Variants in TAB2 observed in about 807,000 individuals in gnomAD.
TAB2 encodes the protein TGF-beta-activated kinase 1 and MAP3K7-binding protein 2.
TAB2 carries 3 observed loss-of-function variants against 65.0 expected under a neutral mutation model. That is an observed-to-expected ratio of 0.05 (90% confidence interval 0.02 to 0.12). TAB2 has a LOEUF of 0.12. Among genes scored for constraint, TAB2 ranks in the 10% least tolerant of loss-of-function variants. The pLI is 1.00. For missense variants in TAB2, 623 were observed against 840.3 expected, an observed-to-expected ratio of 0.74 and a Z score of 3.20; for synonymous variants, 298 against 285.1, an observed-to-expected ratio of 1.05 and a Z score of -0.46.
At chr6:149,218,689 A>G (rs1777074603) in exon 1 of TAB2, 2 of 453,112 alleles carry the variant, frequency 4.4e-6, no homozygotes, top group Admixed American at 4.7e-5. Flanking sequence ...TCTAAACACC[A>G]TCTGATCCAG....
At chr6:149,339,442 CTTT>C (rs1166154724) in intron 1 of TAB2, among the ~76,000 whole-genome samples, 1 of 151,964 alleles carries the variant, frequency 6.6e-6, no homozygotes, top group African/African-American at 2.4e-5. Context: ...TAGGTTTTAA[CTTT>C]TTTGTCTGCC....
rs1778800591 is a variant in TAB2 at position 149,292,770 on chromosome 6, G to C, written c.-121+73994G>C. Among the ~76,000 whole-genome samples the C allele has an allele frequency of 2.6e-5, 4 of 152,146 alleles. No homozygotes were observed. In the South Asian group the frequency reaches 8.3e-4, roughly 31 times the overall value. ...AATTAATATACTCTACCTTAGTTAA[G>C]CAACAATGAGCTTTCTCGGGAGTTT... On this transcript the variant is annotated intron_variant, in intron 1 of 1. Coordinates refer to the TAB2 transcript ENST00000606202.
At chr6:149,404,095 A>C (rs530045690) in intron 6 of TAB2, among the ~76,000 whole-genome samples, 2 of 152,350 alleles carry the variant, frequency 1.3e-5, no homozygotes, top group Admixed American at 1.3e-4. Flanking sequence ...ACTCCACCAA[A>C]AACTGTTAAA....
intron 1 of TAB2, among the ~76,000 whole-genome samples, chr6:149,249,000 G>A (rs939120692): frequency 1.2e-4 from 19 of 152,208 alleles, no homozygotes; most frequent in African/African-American, 4.6e-4. Flanking sequence ...GCAGAGGAGT[G>A]ATGGTGGACA....
chr6:149,328,287 T>C (rs1562417643), intron 1 of TAB2, among the ~76,000 whole-genome samples: 2 of 152,226 alleles, frequency 1.3e-5, no homozygotes, highest in African/African-American at 4.8e-5. Flanking sequence ...TTGTGTCTCA[T>C]CTCTACATTC....
rs1249639880 is a variant in TAB2 at position 149,411,596 on chromosome 6, C to T, written c.*1877C>T. On this transcript the variant is annotated 3_prime_UTR_variant, in exon 7 of 7. Transcript: ENST00000637181. ...TAAGTTATTTATAAAAATTAAAAAA[C>T]TTATATTCTAATGTGGATTTTGTGA... is the stretch of plus-strand genomic sequence containing the variant. The T allele has an allele frequency of 1.3e-5, 2 of 153,542 alleles. No homozygotes were observed. The highest frequency in any genetic ancestry group is 3.9e-4 in the East Asian group (2 of 5,192). 9.5% of individuals were successfully genotyped at this position (153,542 alleles called of 1,614,324 possible). A position where few individuals can be genotyped will look rare whatever the true frequency, so the allele number is the denominator to read the frequency against.
At chr6:149,348,634 G>T (rs1780382870) in intron 1 of TAB2, among the ~76,000 whole-genome samples, 1 of 151,406 alleles carries the variant, frequency 6.6e-6, no homozygotes, top group Non-Finnish European at 1.5e-5. Context: ...AGGAATTATG[G>T]CTGTAACACT....
At chr6:149,343,351 G>A (rs978913743) in intron 1 of TAB2, among the ~76,000 whole-genome samples, 1 of 151,946 alleles carries the variant, frequency 6.6e-6, no homozygotes, top group East Asian at 1.9e-4. Context: ...TGCACCTGTA[G>A]TCCCAGCTGC....
At chr6:149,312,006 A>G (rs1779173900) in intron 1 of TAB2, among the ~76,000 whole-genome samples, 1 of 152,218 alleles carries the variant, frequency 6.6e-6, no homozygotes, top group Non-Finnish European at 1.5e-5. Flanking sequence ...AGACTACAAT[A>G]TGTCATGAAA....
intron 1 of TAB2, among the ~76,000 whole-genome samples, chr6:149,322,509 G>T (rs1009611770): frequency 6.6e-6 from 1 of 152,124 alleles, no homozygotes; most frequent in African/African-American, 2.4e-5. Context: ...TTTATGGCTG[G>T]ATAGAAAATC....
intron 1 of TAB2, among the ~76,000 whole-genome samples, chr6:149,344,583 G>A (rs1780234595): frequency 1.3e-5 from 2 of 152,194 alleles, no homozygotes; most frequent in African/African-American, 2.4e-5. Flanking sequence ...GGTGTGATGG[G>A]AGATGGAGCT....
upstream of TAB2, chr6:149,218,505 A>C (rs1216989615): frequency 6.1e-6 from 1 of 163,834 alleles, no homozygotes; most frequent in Non-Finnish European, 1.3e-5. Flanking sequence ...TTGGACTGAC[A>C]CTGGTTCAAG....
chr6:149,399,135 C>T lies in TAB2; in HGVS notation c.1890C>T (p.Asn630=), dbSNP rs1477707772. 1 of 1,613,556 alleles carries T rather than the reference C, an allele frequency of 6.2e-7. No individual in the cohort carries two copies. Among genetic ancestry groups the T allele is most frequent in the Non-Finnish European group, 8.5e-7 (1 of 1,179,670 alleles). The change falls in exon 6 of 7, where the codon AAC becomes AAT. Residue 630 remains asparagine (N), a synonymous_variant. Transcript: ENST00000637181. ...GPHFNPSAIH[N]FYDNIGFVGP... The stretch of plus-strand genomic sequence containing the variant: ...ATTTTAACCCCAGCGCTATTCATAA[C>T]TTTTATGACAATATTGGATTTGTAG...
At chr6:149,398,662 G>A (rs1269217022) in intron 5 of TAB2, among the ~76,000 whole-genome samples, 1 of 152,042 alleles carries the variant, frequency 6.6e-6, no homozygotes, top group Non-Finnish European at 1.5e-5. Flanking sequence ...TACAATCCTT[G>A]AACTTACTCT....
Position 149,327,756 on chromosome 6 carries a change from G to A in TAB2, c.-90+9741G>A, listed in dbSNP as rs141457626. Among the ~76,000 whole-genome samples, 8 of 152,304 alleles carry A rather than the reference G, an allele frequency of 5.3e-5. No homozygotes were observed. The East Asian group carries it at 1.5e-3, about 29-fold the overall frequency. On this transcript the variant is annotated intron_variant, in intron 1 of 6. Coordinates refer to ENST00000637181, the MANE Select transcript of TAB2 (RefSeq NM_001292034.3). ...AGTACTGCTTGCCAACTCTTAGGAT[G>A]ATTTTATAGGAAATGGAAAAATAAG...
intron 1 of TAB2, among the ~76,000 whole-genome samples, chr6:149,331,947 C>A (rs1234738868): frequency 6.6e-6 from 1 of 151,982 alleles, no homozygotes; most frequent in Admixed American, 6.6e-5. Context: ...TGGCTGGGAC[C>A]AGGACAGTAA....
At chr6:149,334,009 T>C (rs1310224131) in intron 1 of TAB2, among the ~76,000 whole-genome samples, 1 of 152,230 alleles carries the variant, frequency 6.6e-6, no homozygotes, top group Non-Finnish European at 1.5e-5. Flanking sequence ...GATGAGTTTA[T>C]GCATTATAAG....
intron 6 of TAB2, among the ~76,000 whole-genome samples, chr6:149,404,750 A>T (rs1043424408): frequency 6.6e-6 from 1 of 152,222 alleles, no homozygotes; most frequent in Non-Finnish European, 1.5e-5. Flanking sequence ...TTCACACTGT[A>T]TACAAAAATA....
chr6:149,230,497 G>T (rs1777380306), intron 1 of TAB2, among the ~76,000 whole-genome samples: 1 of 152,204 alleles, frequency 6.6e-6, no homozygotes, highest in African/African-American at 2.4e-5. Flanking sequence ...CCAATAAACT[G>T]ATTTGGTCCA....
Sources: gnomAD v4.1 joint callset for allele counts (sites outside exome capture counted in the v4.1 genomes callset) on GRCh38, gnomAD v4.1.1 for gene constraint, MANE v1.5 for transcripts, NCBI Gene and HGNC (gene_info 2026-07-23, HGNC 2026-07-21) for gene names.